RBMS3: variants seen among roughly 807,000 people sequenced by gnomAD.
RBMS3 encodes RNA-binding motif, single-stranded-interacting protein 3.
RBMS3 carries 27 observed loss-of-function variants against 66.8 expected under a neutral mutation model. That is an observed-to-expected ratio of 0.40 (90% confidence interval 0.30 to 0.56). The LOEUF (loss-of-function observed/expected upper bound fraction) is 0.56. Ranked by LOEUF, RBMS3 falls within the 20% of genes least tolerant of loss-of-function variation. The pLI, the probability that RBMS3 is intolerant of heterozygous loss-of-function variation, is 0.40. For synonymous variants in RBMS3, 188 were observed against 183.0 expected, an observed-to-expected ratio of 1.03 and a Z score of -0.22; for missense variants, 513 against 549.5, an observed-to-expected ratio of 0.93 and a Z score of 0.66.
At chr3:29,737,825 T>C (rs966773628) in intron 4 of RBMS3, among the ~76,000 whole-genome samples, 1 of 126,792 alleles carries the variant, frequency 7.9e-6, no homozygotes, top group Non-Finnish European at 1.6e-5. Flanking sequence ...GTGGTGGTGA[T>C]AGTGGAGTGT....
At chr3:29,607,263 T>C (rs1327164168) in intron 4 of RBMS3, among the ~76,000 whole-genome samples, 3 of 152,002 alleles carry the variant, frequency 2.0e-5, no homozygotes, top group South Asian at 2.1e-4. Flanking sequence ...TGGGCTGTTA[T>C]AGTAAAATGC....
At chr3:29,954,754 G>T (rs866265271) in intron 12 of RBMS3, among the ~76,000 whole-genome samples, 88 of 151,964 alleles carry the variant, frequency 5.8e-4, no homozygotes, top group African/African-American at 2.1e-3. Flanking sequence ...CCCAGGTCCA[G>T]GCTGGGTTCT....
intron 3 of RBMS3, among the ~76,000 whole-genome samples, chr3:29,530,633 G>T (rs769252350): frequency 7.3e-5 from 11 of 150,238 alleles, no homozygotes; most frequent in African/African-American, 1.2e-4. Flanking sequence ...AGGCTGAGGC[G>T]ATTGAATCAC....
At chr3:29,447,655 G>A (rs2041879135) in intron 2 of RBMS3, among the ~76,000 whole-genome samples, 1 of 152,202 alleles carries the variant, frequency 6.6e-6, no homozygotes. Context: ...TACCCAGTAA[G>A]TATTAGGATT....
intron 4 of RBMS3, among the ~76,000 whole-genome samples, chr3:29,622,708 G>A (rs1331796817): frequency 2.6e-5 from 4 of 152,200 alleles, no homozygotes; most frequent in African/African-American, 4.8e-5. Context: ...GTGATGGAGG[G>A]CACAGACTGT....
At chr3:29,754,519 G>T (rs1020496727) in intron 5 of RBMS3, among the ~76,000 whole-genome samples, 1 of 152,188 alleles carries the variant, frequency 6.6e-6, no homozygotes, top group Non-Finnish European at 1.5e-5. Context: ...CTCCAGTGAG[G>T]TCAGATGAAT....
At chr3:29,995,886 C>T (rs1373195594) in intron 14 of RBMS3, among the ~76,000 whole-genome samples, 3 of 151,968 alleles carry the variant, frequency 2.0e-5, no homozygotes, top group African/African-American at 7.2e-5. Flanking sequence ...CAGCTAACAT[C>T]ATAATGACAG....
intron 1 of RBMS3, among the ~76,000 whole-genome samples, chr3:29,408,758 C>A: frequency 6.6e-6 from 1 of 152,148 alleles, no homozygotes; most frequent in East Asian, 1.9e-4. Context: ...TATTTTTCGT[C>A]AGAATATGTA....
intron 4 of RBMS3, among the ~76,000 whole-genome samples, chr3:29,633,194 G>C (rs1422938044): frequency 1.3e-5 from 2 of 151,546 alleles, no homozygotes; most frequent in African/African-American, 4.8e-5. Flanking sequence ...CATATCCCAA[G>C]AGAATTATTT....
At chr3:29,344,391 C>A (rs546691797) in intron 1 of RBMS3, among the ~76,000 whole-genome samples, 60 of 152,230 alleles carry the variant, frequency 3.9e-4, no homozygotes, top group African/African-American at 1.4e-3. Context: ...AGAACAGACA[C>A]TCCAAAAAAC....
chr3:29,543,868 T>A (rs2045854643), intron 3 of RBMS3, among the ~76,000 whole-genome samples: 1 of 152,142 alleles, frequency 6.6e-6, no homozygotes, highest in African/African-American at 2.4e-5. Context: ...TCTAGAATAG[T>A]TGTAATATTC....
At chr3:29,354,005 T>C (rs1575599440) in intron 1 of RBMS3, among the ~76,000 whole-genome samples, 1 of 152,130 alleles carries the variant, frequency 6.6e-6, no homozygotes, top group Non-Finnish European at 1.5e-5. Flanking sequence ...GTAATTCTTC[T>C]AGTCTCCAGG....
intron 6 of RBMS3, among the ~76,000 whole-genome samples, chr3:29,850,434 A>T (rs983903381): frequency 3.9e-5 from 6 of 152,326 alleles, no homozygotes; most frequent in South Asian, 2.1e-4. Flanking sequence ...TGCCCACAAA[A>T]GAATCTCTTT....
chr3:29,384,435 T>TAATAATAATAAGAAG (rs776357215), intron 1 of RBMS3, among the ~76,000 whole-genome samples: 175 of 141,092 alleles, frequency 1.2e-3, no homozygotes, highest in South Asian at 2.7e-3. Context: ...ATAATAATAA[T>TAATAATAATAAGAAG]AAGAAGAAGA....
At chr3:29,944,890 C>T (rs892181088) in intron 12 of RBMS3, among the ~76,000 whole-genome samples, 1 of 151,668 alleles carries the variant, frequency 6.6e-6, no homozygotes, top group African/African-American at 2.4e-5. Context: ...AGGGTTTTAA[C>T]TAGCAATATT....
intron 4 of RBMS3, among the ~76,000 whole-genome samples, chr3:29,703,906 G>A (rs1452315503): frequency 1.3e-5 from 2 of 152,082 alleles, no homozygotes; most frequent in Admixed American, 6.5e-5. Context: ...CCACATTATC[G>A]CCTGCACTCC....
At chr3:29,646,523 T>G (rs1387131627) in intron 4 of RBMS3, among the ~76,000 whole-genome samples, 1 of 149,490 alleles carries the variant, frequency 6.7e-6, no homozygotes, top group Admixed American at 6.6e-5. Flanking sequence ...AGAGTTCTTT[T>G]TGTTTCACTA....
intron 10 of RBMS3, chr3:29,926,744 T>C (rs1028140980): frequency 6.6e-6 from 1 of 152,238 alleles, no homozygotes; most frequent in African/African-American, 2.4e-5. Context: ...GGGAACCCTG[T>C]TTGCCTTATC....
intron 6 of RBMS3, chr3:29,766,178 T>C (rs2055920059): frequency 6.6e-6 from 1 of 151,906 alleles, no homozygotes; most frequent in Non-Finnish European, 1.5e-5. Context: ...GTGGGGAAAA[T>C]GTGCCTGTGT....
Sources: allele counts gnomAD v4.1 joint callset (sites outside exome capture counted in the v4.1 genomes callset), GRCh38; gene constraint gnomAD v4.1.1; transcripts MANE v1.5; gene names NCBI Gene and HGNC (gene_info 2026-07-23, HGNC 2026-07-21).